Variants in CNTN4 observed in about 807,000 individuals in gnomAD.
CNTN4 encodes contactin-4.
CNTN4 carries 77 observed loss-of-function variants against 122.5 expected under a neutral mutation model. The ratio of observed to expected loss-of-function variants is 0.63; its 90% CI spans 0.52 to 0.76. The LOEUF (loss-of-function observed/expected upper bound fraction) is 0.76, where lower values mean the gene tolerates loss of function less well. Ranked by LOEUF, CNTN4 falls within the 30% of genes least tolerant of loss-of-function variation. The pLI, the probability that CNTN4 is intolerant of heterozygous loss-of-function variation, is 0.00. For synonymous variants in CNTN4, 512 were observed against 447.0 expected (o/e 1.15, Z -1.83); for missense variants, 1,256 against 1,259.1 (o/e 1.00, Z 0.04).
At chr3:2,531,985 G>C (rs1215251030) in intron 3 of CNTN4, among the ~76,000 whole-genome samples, 5 of 152,188 alleles carry the variant, frequency 3.3e-5, no homozygotes, top group Non-Finnish European at 7.4e-5. Context: ...CAGTGCTAAA[G>C]AATGAGAAAC....
At chr3:2,382,260 C>A (rs1208165465) in intron 3 of CNTN4, among the ~76,000 whole-genome samples, 5 of 151,800 alleles carry the variant, frequency 3.3e-5, no homozygotes, top group Non-Finnish European at 2.9e-5. Flanking sequence ...ACCTCTGCCC[C>A]CCGGGTTCAA....
At chr3:2,928,468 A>C (rs921005754) in intron 13 of CNTN4, among the ~76,000 whole-genome samples, 1 of 152,162 alleles carries the variant, frequency 6.6e-6, no homozygotes, top group South Asian at 2.1e-4. Context: ...TAGAACCCCT[A>C]TTTTGGGAAA....
At chr3:2,120,395 ATATATATATATT>A (rs1345494564) in intron 2 of CNTN4, among the ~76,000 whole-genome samples, 69 of 30,636 alleles carry the variant, frequency 2.3e-3, no homozygotes, top group African/African-American at 5.7e-3. Context: ...ATATATATAT[ATATATATATATT>A]TTTTTTTTTT....
intron 3 of CNTN4, among the ~76,000 whole-genome samples, chr3:2,439,368 C>G (rs909848680): frequency 2.0e-5 from 3 of 152,088 alleles, no homozygotes; most frequent in African/African-American, 7.2e-5. Flanking sequence ...AACCATTGTT[C>G]TGTTGGATCT....
At chr3:2,649,454 C>G (rs1216168986) in intron 4 of CNTN4, among the ~76,000 whole-genome samples, 1 of 152,170 alleles carries the variant, frequency 6.6e-6, no homozygotes, top group Non-Finnish European at 1.5e-5. Context: ...TCTACTCTGC[C>G]TGTGTTCTTT....
chr3:2,183,105 T>C (rs2037092536), intron 2 of CNTN4, among the ~76,000 whole-genome samples: 1 of 152,296 alleles, frequency 6.6e-6, no homozygotes, highest in African/African-American at 2.4e-5. Context: ...CTTGGATCTA[T>C]TTTCAAAATA....
chr3:2,156,181 T>C (rs1353977382), intron 2 of CNTN4, among the ~76,000 whole-genome samples: 2 of 152,162 alleles, frequency 1.3e-5, no homozygotes, highest in East Asian at 1.9e-4. Flanking sequence ...GGAGAGCTGG[T>C]AGGTGCCAGA....
chr3:2,512,309 A>T (rs577054199), intron 3 of CNTN4, among the ~76,000 whole-genome samples: 4 of 152,254 alleles, frequency 2.6e-5, no homozygotes, highest in African/African-American at 7.2e-5. Context: ...GTCTGTGTTT[A>T]GCCCCTTATT....
At chr3:2,560,517 A>G (rs901539956) in intron 3 of CNTN4, among the ~76,000 whole-genome samples, 1 of 152,170 alleles carries the variant, frequency 6.6e-6, no homozygotes, top group Admixed American at 6.6e-5. Context: ...TTCCTTTTGC[A>G]TTATGGTGGT....
rs546453201 is a variant in CNTN4 at position 2,548,508 on chromosome 3, G to A, written c.-88-22908G>A. On this transcript the variant is annotated intron_variant, in intron 3 of 24. Transcript: ENST00000418658. ...GTAGATGTGTGGTATTATTTCTGAG[G>A]CCTCTGTTCCATTCCATTGGTCTAT... 4.6e-5 allele frequency among the ~76,000 whole-genome samples: 7 copies of A among 152,060 alleles called. No individual in the cohort carries two copies. In the East Asian group the frequency reaches 1.4e-3, roughly 30 times the overall value.
intron 2 of CNTN4, among the ~76,000 whole-genome samples, chr3:2,175,493 A>T (rs1368313358): frequency 6.6e-6 from 1 of 152,208 alleles, no homozygotes; most frequent in Non-Finnish European, 1.5e-5. Context: ...TAGAAATTTT[A>T]TTTATCTTAT....
chr3:2,615,558 A>G (rs2081683805), intron 4 of CNTN4, among the ~76,000 whole-genome samples: 1 of 137,240 alleles, frequency 7.3e-6, no homozygotes, highest in Admixed American at 7.7e-5. Context: ...CAGTGGAATG[A>G]AGTTCATCAT....
At chr3:2,607,918 T>C (rs2149799088) in intron 4 of CNTN4, among the ~76,000 whole-genome samples, 1 of 152,344 alleles carries the variant, frequency 6.6e-6, no homozygotes, top group South Asian at 2.1e-4. Flanking sequence ...TTTATAGTTC[T>C]TCCTACAAGC....
At chr3:2,443,786 C>T (rs2048520893) in intron 3 of CNTN4, among the ~76,000 whole-genome samples, 1 of 152,124 alleles carries the variant, frequency 6.6e-6, no homozygotes. Flanking sequence ...ACCACTCCTC[C>T]TGGGGTGAAG....
chr3:2,528,995 A>G (rs2077499205), intron 3 of CNTN4, among the ~76,000 whole-genome samples: 1 of 152,104 alleles, frequency 6.6e-6, no homozygotes, highest in Non-Finnish European at 1.5e-5. Flanking sequence ...AAAATATATA[A>G]TAAATTATTG....
At chr3:2,258,880 C>A (rs1324244082) in intron 2 of CNTN4, among the ~76,000 whole-genome samples, 3 of 151,970 alleles carry the variant, frequency 2.0e-5, no homozygotes, top group African/African-American at 7.3e-5. Flanking sequence ...TCTTGTCCAC[C>A]AGTGTTTCTC....
At chr3:2,806,616 TAGA>T (rs2092473941) in intron 6 of CNTN4, among the ~76,000 whole-genome samples, 4 of 152,228 alleles carry the variant, frequency 2.6e-5, no homozygotes, top group Admixed American at 2.6e-4. Flanking sequence ...TTCAGCAGCT[TAGA>T]AGTTTTGTTT....
chr3:2,142,470 T>C (rs1016911162), intron 2 of CNTN4, among the ~76,000 whole-genome samples: 2 of 152,014 alleles, frequency 1.3e-5, no homozygotes, highest in African/African-American at 4.8e-5. Flanking sequence ...TTCAAGAGAT[T>C]CTCCTGCCTC....
intron 4 of CNTN4, among the ~76,000 whole-genome samples, chr3:2,641,583 G>T (rs1457233015): frequency 6.6e-6 from 1 of 152,038 alleles, no homozygotes; most frequent in Non-Finnish European, 1.5e-5. Context: ...TGCTTCACAT[G>T]GTCTGTTCAG....
Sources: gnomAD v4.1 joint callset for allele counts (sites outside exome capture counted in the v4.1 genomes callset) on GRCh38, gnomAD v4.1.1 for gene constraint, MANE v1.5 for transcripts, NCBI Gene and HGNC (gene_info 2026-07-23, HGNC 2026-07-21) for gene names.